Variants in MX2 observed in about 807,000 individuals in gnomAD.
MX2 encodes the protein MX dynamin like GTPase 2.
MX2 carries 51 observed loss-of-function variants against 74.0 expected under a neutral mutation model. The ratio of observed to expected loss-of-function variants is 0.69; its 90% CI spans 0.55 to 0.87. The LOEUF (loss-of-function observed/expected upper bound fraction) is 0.87. MX2 is among the 40% of genes least tolerant of loss of function. MX2 has a pLI of 0.00. For missense variants in MX2, 832 were observed against 908.7 expected, an observed-to-expected ratio of 0.92 and a Z score of 1.09; for synonymous variants, 369 against 339.3, an observed-to-expected ratio of 1.09 and a Z score of -0.96.
chr21:41,362,339 C>T (rs572076190), intron 1 of MX2, among the ~76,000 whole-genome samples: 8 of 151,994 alleles, frequency 5.3e-5, no homozygotes, highest in East Asian at 3.9e-4. Context: ...GTCGGGTGGA[C>T]GCAAAGGGGT....
chr21:41,381,684 C>CAAA (rs57350601), intron 4 of MX2, among the ~76,000 whole-genome samples: 91 of 58,214 alleles, frequency 1.6e-3, no homozygotes, highest in Middle Eastern at 7.9e-3. Context: ...GACTCTGTCT[C>CAAA]AAAAAAAAAA....
chr21:41,375,071 G>A (rs1304464087), intron 1 of MX2, among the ~76,000 whole-genome samples: 1 of 152,188 alleles, frequency 6.6e-6, no homozygotes, highest in Non-Finnish European at 1.5e-5. Context: ...TTCCTCTGCG[G>A]GAGAGGCTGG....
chr21:41,398,026 C>T (rs893343402), intron 8 of MX2, among the ~76,000 whole-genome samples: 1 of 152,072 alleles, frequency 6.6e-6, no homozygotes, highest in Non-Finnish European at 1.5e-5. Context: ...AAAAATTTTT[C>T]TTGCCAGGCA....
intron 2 of MX2, among the ~76,000 whole-genome samples, 194 bp downstream of exon 2, chr21:41,377,349 G>A (rs1343428139): frequency 6.6e-6 from 1 of 152,198 alleles, no homozygotes; most frequent in South Asian, 2.1e-4. Flanking sequence ...GGGCTGCTGC[G>A]ACGTGGGTCT....
Position 41,377,838 on chromosome 21 carries a change from G to A in MX2, c.299G>A (p.Cys100Tyr), listed in dbSNP as rs1251468606. 1 of 1,614,106 alleles carries A rather than the reference G, an allele frequency of 6.2e-7. No individual in the cohort carries two copies. The highest frequency in any genetic ancestry group is 8.5e-7 in the Non-Finnish European group (1 of 1,180,042). ...CAGTACGAGCAGAAGGTGCGCCCCTGCATTGACCTCATCGACTCCCTGCGG... is the reference window on the plus strand; with the variant it reads ...CAGTACGAGCAGAAGGTGCGCCCCTACATTGACCTCATCGACTCCCTGCGG... ...YSQYEQKVRP[C>Y]IDLIDSLRAL... The change falls in exon 3 of 14, where the codon TGC becomes TAC. Residue 100 changes from cysteine (C) to tyrosine (Y), a missense_variant. Coordinates refer to ENST00000330714, the MANE Select transcript of MX2 (RefSeq NM_002463.2).
At chr21:41,386,947 G>A (rs1443217325) in intron 5 of MX2, among the ~76,000 whole-genome samples, 2 of 152,096 alleles carry the variant, frequency 1.3e-5, no homozygotes, top group Non-Finnish European at 2.9e-5. Context: ...ACTAAAGACA[G>A]AAACCAAAAA....
chr21:41,389,654 T>C (rs942490824), intron 5 of MX2: 2 of 152,240 alleles, frequency 1.3e-5, no homozygotes, highest in African/African-American at 4.8e-5. Flanking sequence ...ATTTGATGAT[T>C]TTATTTGACT....
At chr21:41,407,138 A>T (rs1027702417) in intron 13 of MX2, 140 bp downstream of exon 13, 1 of 758,574 alleles carries the variant, frequency 1.3e-6, no homozygotes, top group East Asian at 2.8e-5. Context: ...ATTATGATAA[A>T]CTACTTATAT....
chr21:41,390,550 A>G lies in MX2; in HGVS notation c.733-15A>G, dbSNP rs375793094. 77 of 1,613,782 alleles carry G rather than the reference A, an allele frequency of 4.8e-5. No homozygotes were observed. The highest frequency in any genetic ancestry group is 6.0e-5 in the Non-Finnish European group (71 of 1,179,890). ...GAGACGTGTGCTCTTTCTTTGTGCG[A>G]TTCTTTGGCATCAGATCAAGGCTCT... On this transcript the variant is annotated splice_polypyrimidine_tract_variant and intron_variant, in intron 5 of 13. Coordinates refer to ENST00000330714, the MANE Select transcript of MX2 (RefSeq NM_002463.2).
intron 5 of MX2, among the ~76,000 whole-genome samples, chr21:41,382,814 A>C (rs1355934778): frequency 6.6e-6 from 1 of 152,270 alleles, no homozygotes; most frequent in Non-Finnish European, 1.5e-5. Context: ...CCAGTCATTC[A>C]GGACTGTGAA....
In MX2 at chr21:41,402,137, T is replaced by G; in HGVS notation, c.1573+9T>G. On this transcript the variant is annotated intron_variant, in intron 11 of 13. Coordinates refer to ENST00000330714, the MANE Select transcript of MX2 (RefSeq NM_002463.2). The surrounding 1 kb of genome is among the most constrained non-coding windows in gnomAD (Gnocchi z 4.5). Reference sequence around the variant, plus strand: ...GCTCCAGAAAGCCATGGGTGAGGACTTTCAAGCAGGACTCCCAAACCATCA... The same window carrying G: ...GCTCCAGAAAGCCATGGGTGAGGACGTTCAAGCAGGACTCCCAAACCATCA... The G allele has an allele frequency of 6.2e-7, 1 of 1,609,050 alleles. No individual in the cohort carries two copies. The highest frequency in any genetic ancestry group is 8.5e-7 in the Non-Finnish European group (1 of 1,178,004).
At chr21:41,371,383 A>G (rs1191312949) in intron 1 of MX2, among the ~76,000 whole-genome samples, 4 of 152,140 alleles carry the variant, frequency 2.6e-5, no homozygotes, top group Non-Finnish European at 5.9e-5. Flanking sequence ...CTGCCCTGGC[A>G]TTTGCTAGGA....
At chr21:41,378,266 GGCC>G (rs2089439021) in intron 3 of MX2, among the ~76,000 whole-genome samples, 1 of 141,508 alleles carries the variant, frequency 7.1e-6, no homozygotes. Context: ...GGGAGGGACA[GGCC>G]ATTGGGAGAC....
intron 3 of MX2, among the ~76,000 whole-genome samples, chr21:41,379,652 G>A (rs1319227109): frequency 2.0e-5 from 3 of 152,160 alleles, no homozygotes; most frequent in Non-Finnish European, 4.4e-5. Flanking sequence ...GACTCCAGCT[G>A]CAGAAAGACG....
chr21:41,378,448 T>C (rs527560090), intron 3 of MX2, among the ~76,000 whole-genome samples: 1 of 152,362 alleles, frequency 6.6e-6, no homozygotes, highest in Non-Finnish European at 1.5e-5. Flanking sequence ...GCAGGGACCT[T>C]GCCACCTCTT....
chr21:41,367,249 C>A (rs2089273612), intron 1 of MX2: 1 of 152,038 alleles, frequency 6.6e-6, no homozygotes, highest in Non-Finnish European at 1.5e-5. Context: ...CTAATCTTAA[C>A]ATAATCTTAA....
intron 8 of MX2, among the ~76,000 whole-genome samples, chr21:41,398,224 G>T (rs187737269): frequency 2.0e-5 from 3 of 152,206 alleles, no homozygotes; most frequent in Non-Finnish European, 4.4e-5. Flanking sequence ...CAGGAGAATC[G>T]CTTGAACCCG....
chr21:41,378,345 G>C (rs1284297545), intron 3 of MX2, among the ~76,000 whole-genome samples: 3 of 149,794 alleles, frequency 2.0e-5, no homozygotes, highest in African/African-American at 7.6e-5. Flanking sequence ...CACTGGGAGG[G>C]CCCTAGGAGG....
chr21:41,381,796 C>A (rs1400647421), intron 4 of MX2, among the ~76,000 whole-genome samples: 1 of 151,958 alleles, frequency 6.6e-6, no homozygotes, highest in African/African-American at 2.4e-5. Flanking sequence ...TAAGTTGGTG[C>A]AACCACTTTG....
Sources: gnomAD v4.1 joint callset for allele counts (sites outside exome capture counted in the v4.1 genomes callset) on GRCh38, gnomAD v4.1.1 for gene constraint, Gnocchi (gnomAD v3.1) non-coding constraint, MANE v1.5 for transcripts, NCBI Gene and HGNC (gene_info 2026-07-23, HGNC 2026-07-21) for gene names.